Variants in GDPD4 observed in about 807,000 individuals in gnomAD.
The protein encoded by GDPD4 is glycerophosphodiester phosphodiesterase domain containing 4, also known as glycerophosphodiester phosphodiesterase 6.
GDPD4 carries 60 observed loss-of-function variants against 67.8 expected under a neutral mutation model. The ratio of observed to expected loss-of-function variants is 0.88; its 90% CI spans 0.72 to 1.10. The LOEUF (loss-of-function observed/expected upper bound fraction) is 1.10. GDPD4 is among the 50% of genes least tolerant of loss of function. The pLI, the probability that GDPD4 is intolerant of heterozygous loss-of-function variation, is 0.00. For synonymous variants in GDPD4, 212 were observed against 210.9 expected (o/e 1.00, Z -0.04); for missense variants, 623 against 613.9 (o/e 1.01, Z -0.16).
At position 77,235,009 on chromosome 11, in the gene GDPD4, G is replaced by GTTTTTTTTTTTTTTTTTTTTTTTTTTTTT. The variant is rs57989259; in HGVS notation, c.1242-1838_1242-1837insAAAAAAAAAAAAAAAAAAAAAAAAAAAAA. Among the ~76,000 whole-genome samples, 48 of 52,262 alleles carry GTTTTTTTTTTTTTTTTTTTTTTTTTTTTT rather than the reference G, an allele frequency of 9.2e-4. 12 individuals are homozygous for GTTTTTTTTTTTTTTTTTTTTTTTTTTTTT. Among genetic ancestry groups the GTTTTTTTTTTTTTTTTTTTTTTTTTTTTT allele is most frequent in the Non-Finnish European group, 1.4e-3 (37 of 27,084 alleles). 34.3% of individuals were successfully genotyped at this position (52,262 alleles called of 152,430 possible). On this transcript the variant is annotated intron_variant, in intron 13 of 16. Transcript: ENST00000315938. ...TCTCTCTGCAACCTTGTCAATATCT[G>GTTTTTTTTTTTTTTTTTTTTTTTTTTTTT]TTTTTTTTTTTTTTTTTTTTTTTTT...
chr11:77,245,890 T>A (rs1247558288), intron 11 of GDPD4, among the ~76,000 whole-genome samples: 1 of 152,200 alleles, frequency 6.6e-6, no homozygotes, highest in Non-Finnish European at 1.5e-5. Context: ...TCAACTGAAT[T>A]TAATACCAGC....
Position 77,227,880 on chromosome 11 carries a change from G to A in GDPD4, c.1509C>T (p.Thr503=). 1 of 1,613,486 alleles carries A rather than the reference G, an allele frequency of 6.2e-7. No individual in the cohort carries two copies. The highest frequency in any genetic ancestry group is 8.5e-7 in the Non-Finnish European group (1 of 1,179,474). The stretch of plus-strand genomic sequence containing the variant: ...TGACTTTACCTGTGCGAGTGCTGGA[G>A]GTTTCAAACAATTTTTCTTTTTCAG... ...RETEKEKLFE[T]SSTRTDTQSG... Residue 503 remains threonine, a synonymous_variant, in exon 16 of 17, where the codon ACC becomes ACT. Coordinates refer to ENST00000315938, the MANE Select transcript of GDPD4 (RefSeq NM_182833.3).
chr11:77,259,897 C>A (rs1293856354), intron 10 of GDPD4, among the ~76,000 whole-genome samples: 1 of 152,128 alleles, frequency 6.6e-6, no homozygotes, highest in Admixed American at 6.6e-5. Flanking sequence ...GAAAATATTA[C>A]CAGACAGTTC....
At chr11:77,247,704 A>G (rs1388483902) in intron 11 of GDPD4, among the ~76,000 whole-genome samples, 1 of 152,226 alleles carries the variant, frequency 6.6e-6, no homozygotes, top group East Asian at 1.9e-4. Flanking sequence ...CTGTGTAGAC[A>G]TATTACAAAA....
At chr11:77,249,712 T>C (rs896088263) in intron 11 of GDPD4, among the ~76,000 whole-genome samples, 14 of 152,178 alleles carry the variant, frequency 9.2e-5, no homozygotes, top group Non-Finnish European at 1.5e-5. Flanking sequence ...AGGATTAGTG[T>C]GGACAAGTCT....
chr11:77,269,915 A>T lies in GDPD4; in HGVS notation c.446T>A (p.Leu149His), dbSNP rs1325132707. ...CCTTGTGATTACATTACATTGCTTGAGTCTTTTTTTCTCAGAATGTGTCAT... is the reference window on the plus strand; with the variant it reads ...CCTTGTGATTACATTACATTGCTTGTGTCTTTTTTTCTCAGAATGTGTCAT... Reference protein sequence around the residue: ...YRMTHSEKKRLKQCNVITRLR... With the variant: ...YRMTHSEKKRHKQCNVITRLR... Residue 149 changes from leucine to histidine, a missense_variant, in exon 8 of 17, where the codon CTC becomes CAC. Leu to His is a moderately conservative substitution (Grantham distance 99). Coordinates refer to ENST00000315938, the MANE Select transcript of GDPD4 (RefSeq NM_182833.3). 1.3e-6 allele frequency: 2 copies of T among 1,592,440 alleles called. No homozygotes were observed. Among genetic ancestry groups the T allele is most frequent in the Non-Finnish European group, 1.7e-6 (2 of 1,162,138 alleles).
chr11:77,272,761 G>A (rs1018732057), intron 5 of GDPD4, among the ~76,000 whole-genome samples: 9 of 151,430 alleles, frequency 5.9e-5, no homozygotes, highest in African/African-American at 2.2e-4. Context: ...GAGCAACGGA[G>A]TGAGACTCTG....
Position 77,278,347 on chromosome 11 carries a change from T to C in GDPD4, c.147+959A>G, listed in dbSNP as rs1401499148. ...TATATTTTTCTGTCTTGCTTAGTCA[T>C]GAAGCTCCCTCAGTCCACAATGTTC... On this transcript the variant is annotated intron_variant, in intron 4 of 16. Transcript: ENST00000315938. 4.6e-5 allele frequency among the ~76,000 whole-genome samples: 7 copies of C among 152,304 alleles called. No homozygotes were observed. The East Asian group carries it at 1.4e-3, about 29-fold the overall frequency.
chr11:77,217,288 C>A lies in GDPD4; in HGVS notation c.1552G>T (p.Glu518Ter). The change falls in exon 17 of 17, where the codon GAA (glutamate) becomes TAA (stop). Residue 518 changes from glutamate (E) to a stop codon, truncating the protein, a stop_gained. Transcript: ENST00000315938. LOFTEE classifies it high-confidence loss of function. ...TDTQSGSKNE[E>*]DR The stretch of plus-strand genomic sequence containing the variant: ...GCAAATCTATCTATCTATCTATCTT[C>A]CTCATTCTTACTTCCACTCTGAGTA... 1 of 1,608,206 alleles carries A rather than the reference C, an allele frequency of 6.2e-7. No individual in the cohort carries two copies. Among genetic ancestry groups the A allele is most frequent in the Non-Finnish European group, 8.5e-7 (1 of 1,174,650 alleles).
At chr11:77,251,584 T>C (rs1591547748) in intron 11 of GDPD4, among the ~76,000 whole-genome samples, 1 of 152,340 alleles carries the variant, frequency 6.6e-6, no homozygotes, top group South Asian at 2.1e-4. Context: ...CTAATGAGAA[T>C]TCCTTTATAT....
chr11:77,263,784 T>A (rs1468252618), intron 10 of GDPD4, among the ~76,000 whole-genome samples: 2 of 152,210 alleles, frequency 1.3e-5, no homozygotes, highest in Admixed American at 6.5e-5. Flanking sequence ...TCATCATGGA[T>A]GCTAAAGGGT....
At chr11:77,270,047 CCA>C in intron 7 of GDPD4, 87 bp from the exon 8 acceptor site, 1 of 661,442 alleles carries the variant, frequency 1.5e-6, no homozygotes, top group South Asian at 1.9e-5. Context: ...AATTTACCCT[CCA>C]CACACAAGCA....
intron 16 of GDPD4, among the ~76,000 whole-genome samples, chr11:77,218,306 A>T (rs2135814094): frequency 6.6e-6 from 1 of 152,248 alleles, no homozygotes; most frequent in East Asian, 1.9e-4. Flanking sequence ...TTTTGATTAA[A>T]GTCTATTTTT....
At chr11:77,281,576 G>T (rs998548556) in intron 3 of GDPD4, among the ~76,000 whole-genome samples, 13 of 152,200 alleles carry the variant, frequency 8.5e-5, no homozygotes, top group African/African-American at 3.1e-4. Flanking sequence ...ATCTAAATAA[G>T]GAAGGAAATC....
chr11:77,266,837 T>A (rs755477533), intron 10 of GDPD4, among the ~76,000 whole-genome samples: 1 of 152,260 alleles, frequency 6.6e-6, no homozygotes, highest in Non-Finnish European at 1.5e-5. Flanking sequence ...GTAGTTGTGC[T>A]TACACTAAGT....
Position 77,245,321 on chromosome 11 carries a change from A to G in GDPD4, c.1046T>C (p.Val349Ala). 1 of 1,614,150 alleles carries G rather than the reference A, an allele frequency of 6.2e-7. No individual in the cohort carries two copies. Among genetic ancestry groups the G allele is most frequent in the South Asian group, 1.1e-5 (1 of 91,078 alleles). The part of the protein sequence containing the change: ...HPLRHTFVRQ[V>A]VSVILASKIE... Reference sequence around the variant, plus strand: ...TTTAGAGGCAAGGATCACGCTTACTACTTGGCGGACAAATGTGTGTCTGAG... The same window carrying G: ...TTTAGAGGCAAGGATCACGCTTACTGCTTGGCGGACAAATGTGTGTCTGAG... The change falls in exon 12 of 17, where the codon GTA becomes GCA. Residue 349 changes from valine to alanine, a missense_variant. Physicochemically the swap from Val to Ala is moderately conservative, Grantham distance 64. Transcript: ENST00000315938.
chr11:77,266,622 A>T (rs1177552637), intron 10 of GDPD4, among the ~76,000 whole-genome samples: 1 of 152,176 alleles, frequency 6.6e-6, no homozygotes, highest in Non-Finnish European at 1.5e-5. Flanking sequence ...CGCTCCATGC[A>T]TGTTATCCCT....
chr11:77,258,648 G>A (rs546475433), intron 10 of GDPD4, 106 bp from the exon 11 acceptor site: 1 of 941,774 alleles, frequency 1.1e-6, no homozygotes, highest in South Asian at 1.5e-5. Context: ...TGTCACTAGG[G>A]CTCCTTACTC....
At chr11:77,282,756 T>C (rs745784277) in intron 3 of GDPD4, among the ~76,000 whole-genome samples, 3 of 151,394 alleles carry the variant, frequency 2.0e-5, no homozygotes, top group Non-Finnish European at 4.4e-5. Context: ...AGGAAGAATA[T>C]GGATGTAAGC....
Sources: gnomAD v4.1 joint callset for allele counts (sites outside exome capture counted in the v4.1 genomes callset) on GRCh38, gnomAD v4.1.1 for gene constraint, MANE v1.5 for transcripts, NCBI Gene and HGNC (gene_info 2026-07-23, HGNC 2026-07-21) for gene names.